PROP1: variants seen among roughly 807,000 people sequenced by gnomAD.
PROP1 encodes the protein PROP paired-like homeobox 1, also known as homeobox protein prophet of Pit-1.
PROP1 carries 12 observed loss-of-function variants against 22.3 expected under a neutral mutation model. The ratio of observed to expected loss-of-function variants is 0.54; its 90% CI spans 0.34 to 0.87. PROP1 has a LOEUF of 0.87. Among genes scored for constraint, PROP1 ranks in the 40% least tolerant of loss-of-function variants. The pLI is 0.01. For missense variants in PROP1, 278 were observed against 295.1 expected, an observed-to-expected ratio of 0.94 and a Z score of 0.43; for synonymous variants, 112 against 116.7, an observed-to-expected ratio of 0.96 and a Z score of 0.26.
intron 2 of PROP1, 140 bp from the exon 3 acceptor site, chr5:177,993,187 G>T (rs1303601937): frequency 3.8e-6 from 3 of 786,074 alleles, no homozygotes; most frequent in Non-Finnish European, 6.5e-6. Flanking sequence ...ACAAGGCTTG[G>T]CTGAGCCTGG....
At chr5:177,993,566 T>C (rs1772702490) in intron 2 of PROP1, among the ~76,000 whole-genome samples, 1 of 22,554 alleles carries the variant, frequency 4.4e-5, no homozygotes, top group African/African-American at 1.5e-4. Context: ...GGCATCACTA[T>C]TTTTTTTTTT....
Position 177,995,961 on chromosome 5 carries a change from G to C in PROP1, c.-28C>G. ...CTCGCCACGGGGACCAAGTGTCCCTGAATCTCTGACTTGAGATTTCTCTGC... is the reference window on the plus strand; with the variant it reads ...CTCGCCACGGGGACCAAGTGTCCCTCAATCTCTGACTTGAGATTTCTCTGC... On this transcript the variant is annotated 5_prime_UTR_variant, in exon 1 of 3. Coordinates refer to ENST00000308304, the MANE Select transcript of PROP1 (RefSeq NM_006261.5). 2 of 1,592,534 alleles carry C rather than the reference G, an allele frequency of 1.3e-6. No homozygotes were observed. The highest frequency in any genetic ancestry group is 8.6e-7 in the Non-Finnish European group (1 of 1,162,402).
rs2233784 is a variant in PROP1, at chr5:177,994,274, C to A, written c.174G>T (p.Pro58=). The change falls in exon 2 of 3, where the codon CCG becomes CCT. Residue 58 remains proline (P), a synonymous_variant. Transcript: ENST00000308304. The stretch of plus-strand genomic sequence containing the variant: ...GCGGGCGGCCCCTCTGTCCTCCTTG[C>A]GGGGAGAACCTTGATCTCCCCCCTC... ...GAGGGRSRFS[P]QGGQRGRPHS... 6.8e-6 allele frequency: 11 copies of A among 1,613,438 alleles called. No homozygotes were observed. In the East Asian group the frequency reaches 8.9e-5, roughly 13 times the overall value.
rs755033429 is a variant in PROP1 at position 177,993,056 on chromosome 5, G to A, written c.343-9C>T. The A allele has an allele frequency of 3.1e-6, 5 of 1,610,284 alleles. No homozygotes were observed. The highest frequency in any genetic ancestry group is 2.2e-5 in the South Asian group (2 of 90,516). ...CGGTTCTGGAACCAGACCTGAGAAG[G>A]GGTAGGAACCACATCAGAGCCCACA... On this transcript the variant is annotated splice_polypyrimidine_tract_variant and intron_variant, in intron 2 of 2. Transcript: ENST00000308304.
intron 2 of PROP1, among the ~76,000 whole-genome samples, chr5:177,993,755 T>TG (rs1275021198): frequency 6.6e-6 from 1 of 152,064 alleles, no homozygotes; most frequent in Non-Finnish European, 1.5e-5. Flanking sequence ...TTAGCAGAGA[T>TG]GGGGTTTCAC....
chr5:177,993,222 C>A (rs1772697656), intron 2 of PROP1, among the ~76,000 whole-genome samples, 175 bp from the exon 3 acceptor site: 1 of 152,190 alleles, frequency 6.6e-6, no homozygotes, highest in Non-Finnish European at 1.5e-5. Flanking sequence ...AACCCACAGA[C>A]TTGTCCCCAG....
Position 177,992,479 on chromosome 5 carries a change from C to T in PROP1, c.*230G>A. 1 of 560,392 alleles carries T rather than the reference C, an allele frequency of 1.8e-6. No individual in the cohort carries two copies. Among genetic ancestry groups the T allele is most frequent in the Non-Finnish European group, 3.2e-6 (1 of 315,838 alleles). The allele number at this position is 560,392 out of a possible 1,614,324, so 34.7% of individuals were successfully genotyped here. A position where few individuals can be genotyped will look rare whatever the true frequency, so the allele number is the denominator to read the frequency against. On this transcript the variant is annotated 3_prime_UTR_variant, in exon 3 of 3. Transcript: ENST00000308304. Reference sequence around the variant, plus strand: ...CAATATCACCCTTCAGCAGGCAGCTCCACCGAGGCATCTTGCCCTGTCTCT... The same window carrying T: ...CAATATCACCCTTCAGCAGGCAGCTTCACCGAGGCATCTTGCCCTGTCTCT...
intron 1 of PROP1, among the ~76,000 whole-genome samples, chr5:177,995,419 C>T (rs1755739798): frequency 6.6e-6 from 1 of 152,020 alleles, no homozygotes; most frequent in African/African-American, 2.4e-5. Context: ...GGCCCAAGGG[C>T]GTGGACCCTC....
Position 177,992,869 on chromosome 5 carries a change from G to C in PROP1, c.521C>G (p.Ala174Gly). 1 of 1,613,426 alleles carries C rather than the reference G, an allele frequency of 6.2e-7. No individual in the cohort carries two copies. The highest frequency in any genetic ancestry group is 8.5e-7 in the Non-Finnish European group (1 of 1,179,682). Residue 174 changes from alanine to glycine, a missense_variant, in exon 3 of 3, where the codon GCC (alanine) becomes GGC (glycine). Transcript: ENST00000308304. ...TCCTGTGGAGGGCTGGGAAGGGAGGGCATGGCTGTAGGGGTGAGGGAAGCA... is the reference window on the plus strand; with the variant it reads ...TCCTGTGGAGGGCTGGGAAGGGAGGCCATGGCTGTAGGGGTGAGGGAAGCA... ...VTCFPHPYSH[A>G]LPSQPSTGGA...
rs1398898931 is a variant in PROP1 at position 177,992,835 on chromosome 5, A to G, written c.555T>C (p.Phe185=). 1.2e-6 allele frequency: 2 copies of G among 1,611,292 alleles called. No homozygotes were observed. The highest frequency in any genetic ancestry group is 1.1e-5 in the South Asian group (1 of 90,940). Residue 185 remains phenylalanine (F), a synonymous_variant, in exon 3 of 3, where the codon TTT becomes TTC. Coordinates refer to ENST00000308304, the MANE Select transcript of PROP1 (RefSeq NM_006261.5). ...LPSQPSTGGA[F]ALSHQSEDWY... The stretch of plus-strand genomic sequence containing the variant: ...AGTCCTCAGACTGGTGTGACAAAGC[A>G]AAGGCGCCTCCTGTGGAGGGCTGGG...
At chr5:177,994,413 G>A (rs1363113008) in intron 1 of PROP1, 75 bp from the exon 2 acceptor site, 26 of 1,294,820 alleles carry the variant, frequency 2.0e-5, no homozygotes, top group Admixed American at 2.4e-5. Flanking sequence ...TGCCTGTCCC[G>A]GGATTGCGCT....
intron 1 of PROP1, 69 bp downstream of exon 1, chr5:177,995,756 G>A (rs1442362011): frequency 8.3e-7 from 1 of 1,200,650 alleles, no homozygotes. Context: ...CTTCTTCATG[G>A]AGCCTATGCT....
rs748524727 is a variant in PROP1 at position 177,995,845 on chromosome 5, C to T, written c.89G>A (p.Gly30Glu). 2.5e-6 allele frequency: 4 copies of T among 1,613,924 alleles called. No individual in the cohort carries two copies. The highest frequency in any genetic ancestry group is 2.2e-5 in the South Asian group (2 of 91,088). Residue 30 changes from glycine to glutamate, a missense_variant, in exon 1 of 3, where the codon GGG becomes GAG. Coordinates refer to ENST00000308304, the MANE Select transcript of PROP1 (RefSeq NM_006261.5). ...NLLPERHPAT[G>E]TPTTTVDSSA... ...CTCACCCACCGTGGTGGTCGGGGTC[C>T]CAGTGGCCGGGTGTCTCTCAGGCAA...
At position 177,995,824 on chromosome 5, in the gene PROP1, C is replaced by A. The variant is rs1214465435; in HGVS notation, c.109+1G>T. ...CCACGCACACCGGGACGGTCACTCACCCACCGTGGTGGTCGGGGTCCCAGT... is the reference window on the plus strand; with the variant it reads ...CCACGCACACCGGGACGGTCACTCAACCACCGTGGTGGTCGGGGTCCCAGT... On this transcript the variant is annotated splice_donor_variant, in intron 1 of 2. Transcript: ENST00000308304. LOFTEE classifies it high-confidence loss of function. The A allele has an allele frequency of 6.2e-7, 1 of 1,613,066 alleles. No individual in the cohort carries two copies. The highest frequency in any genetic ancestry group is 8.5e-7 in the Non-Finnish European group (1 of 1,179,556).
intron 1 of PROP1, 52 bp from the exon 2 acceptor site, chr5:177,994,390 G>T: frequency 1.4e-6 from 2 of 1,452,980 alleles, no homozygotes; most frequent in Non-Finnish European, 1.9e-6. Flanking sequence ...GCTCCTCGGT[G>T]CTGGACCACA....
intron 1 of PROP1, 48 bp from the exon 2 acceptor site, chr5:177,994,386 C>G: frequency 6.7e-7 from 1 of 1,483,416 alleles, no homozygotes; most frequent in Non-Finnish European, 9.1e-7. Context: ...GGACGCTCCT[C>G]GGTGCTGGAC....
chr5:177,994,126 G>C lies in PROP1; in HGVS notation c.322C>G (p.Leu108Val), dbSNP rs781712581. 10 of 1,614,058 alleles carry C rather than the reference G, an allele frequency of 6.2e-6. No individual in the cohort carries two copies. The highest frequency in any genetic ancestry group is 1.1e-5 in the South Asian group (1 of 91,088). Reference sequence around the variant, plus strand: ...ATCACCTGGATTCGGGCCTCACTGAGGCCAGTGTCCCGGGCAAGACTCTCT... The same window carrying C: ...ATCACCTGGATTCGGGCCTCACTGACGCCAGTGTCCCGGGCAAGACTCTCT... Reference protein sequence around the residue: ...ARESLARDTGLSEARIQVWFQ... With the variant: ...ARESLARDTGVSEARIQVWFQ... The change falls in exon 2 of 3, where the codon CTC becomes GTC. Residue 108 changes from leucine to valine, a missense_variant. By Grantham distance (32) the Leu-to-Val change is conservative (BLOSUM62 1). Coordinates refer to ENST00000308304, the MANE Select transcript of PROP1 (RefSeq NM_006261.5).
chr5:177,992,589 G>T lies in PROP1; in HGVS notation c.*120C>A, dbSNP rs77626899. 1 of 679,538 alleles carries T rather than the reference G, an allele frequency of 1.5e-6. No homozygotes were observed. The highest frequency in any genetic ancestry group is 2.5e-6 in the Non-Finnish European group (1 of 405,478). 42.1% of individuals were successfully genotyped at this position (679,538 alleles called of 1,614,324 possible). A position where few individuals can be genotyped will look rare whatever the true frequency, so the allele number is the denominator to read the frequency against. On this transcript the variant is annotated 3_prime_UTR_variant, in exon 3 of 3. Transcript: ENST00000308304. ...ATCTCCCATTTTTAAATTTCTAATC[G>T]CTGAGCTGACCCTCACCATGCATCT...
rs1480704448 is a variant in PROP1, at chr5:177,995,980, T to G, written c.-47A>C. ...GTCCCTGAATCTCTGACTTGAGATT[T>G]CTCTGCTTCCGCAGCTCCTCTCCAC... On this transcript the variant is annotated 5_prime_UTR_variant, in exon 1 of 3. Coordinates refer to ENST00000308304, the MANE Select transcript of PROP1 (RefSeq NM_006261.5). 1 of 1,532,236 alleles carries G rather than the reference T, an allele frequency of 6.5e-7. No homozygotes were observed. The highest frequency in any genetic ancestry group is 9.0e-7 in the Non-Finnish European group (1 of 1,109,852). The allele number at this position is 1,532,236 out of a possible 1,614,324, so 94.9% of individuals were successfully genotyped here. A position where few individuals can be genotyped will look rare whatever the true frequency, so the allele number is the denominator to read the frequency against.
Sources: gnomAD v4.1 joint callset for allele counts (sites outside exome capture counted in the v4.1 genomes callset) on GRCh38, gnomAD v4.1.1 for gene constraint, MANE v1.5 for transcripts, NCBI Gene and HGNC (gene_info 2026-07-23, HGNC 2026-07-21) for gene names.